CCDC85A: variants seen among roughly 807,000 people sequenced by gnomAD.
CCDC85A encodes the protein coiled-coil domain containing 85A, also known as coiled-coil domain-containing protein 85A.
Under a neutral mutation model 50.2 loss-of-function variants are expected in CCDC85A, and 38 were observed. The ratio of observed to expected loss-of-function variants is 0.76; its 90% CI spans 0.58 to 0.99. The LOEUF is 0.99. Among genes scored for constraint, CCDC85A ranks in the 50% least tolerant of loss-of-function variants. The probability of loss-of-function intolerance (pLI) is 0.00; values close to 1 mark genes in which losing one functional copy is unlikely to be tolerated. For synonymous variants in CCDC85A, 366 were observed against 301.4 expected (o/e 1.21, Z -2.22); for missense variants, 820 against 742.0 (o/e 1.11, Z -1.22).
chr2:56,261,601 A>G (rs983666825), intron 2 of CCDC85A, among the ~76,000 whole-genome samples: 3 of 152,174 alleles, frequency 2.0e-5, no homozygotes, highest in Admixed American at 6.5e-5. Context: ...ATGGTGTTGG[A>G]TGGTAACATA....
chr2:56,293,462 G>A (rs1264457261), intron 2 of CCDC85A, among the ~76,000 whole-genome samples: 1 of 152,122 alleles, frequency 6.6e-6, no homozygotes, highest in Non-Finnish European at 1.5e-5. Context: ...TGTAACAAAA[G>A]CAAAAATTGA....
chr2:56,374,411 A>C (rs766347783), intron 4 of CCDC85A, among the ~76,000 whole-genome samples: 16 of 152,218 alleles, frequency 1.1e-4, no homozygotes, highest in Non-Finnish European at 1.9e-4. Context: ...AATAACATTA[A>C]GTTAATAATA....
intron 2 of CCDC85A, among the ~76,000 whole-genome samples, chr2:56,331,295 G>A (rs1285134810): frequency 6.6e-6 from 1 of 152,120 alleles, no homozygotes; most frequent in Non-Finnish European, 1.5e-5. Flanking sequence ...ATGCATGCAA[G>A]GCTTAAATCC....
intron 2 of CCDC85A, among the ~76,000 whole-genome samples, chr2:56,302,817 G>T (rs1354927140): frequency 6.6e-6 from 1 of 152,106 alleles, no homozygotes; most frequent in Non-Finnish European, 1.5e-5. Context: ...CGTCTCTGTA[G>T]CCAGTCTAGT....
chr2:56,207,774 A>G (rs1449767986), intron 2 of CCDC85A, among the ~76,000 whole-genome samples: 1 of 152,166 alleles, frequency 6.6e-6, no homozygotes, highest in Non-Finnish European at 1.5e-5. Flanking sequence ...TCTTTAAAGG[A>G]AACCAAGCTT....
At chr2:56,196,172 G>A (rs1049481498) in intron 2 of CCDC85A, among the ~76,000 whole-genome samples, 2 of 152,070 alleles carry the variant, frequency 1.3e-5, no homozygotes, top group Non-Finnish European at 2.9e-5. Flanking sequence ...TTCTTAATTA[G>A]TAGGTGTTTA....
intron 2 of CCDC85A, among the ~76,000 whole-genome samples, chr2:56,308,869 C>G (rs527862979): frequency 9.2e-5 from 14 of 152,248 alleles, no homozygotes; most frequent in African/African-American, 3.4e-4. Flanking sequence ...AAATTCCAGG[C>G]TGTTGGATGA....
intron 3 of CCDC85A, among the ~76,000 whole-genome samples, chr2:56,343,538 G>A (rs537006625): frequency 4.6e-5 from 7 of 152,188 alleles, no homozygotes; most frequent in South Asian, 4.1e-4. Flanking sequence ...CTTCCCATAC[G>A]TTTCACTTAT....
chr2:56,213,464 T>A (rs1289753560), intron 2 of CCDC85A, among the ~76,000 whole-genome samples: 1 of 152,008 alleles, frequency 6.6e-6, no homozygotes, highest in Non-Finnish European at 1.5e-5. Context: ...GAGTTCAGAT[T>A]TGTGTGTAAC....
At position 56,210,409 on chromosome 2, in the gene CCDC85A, T is replaced by A. The variant is rs561278048; in HGVS notation, c.1240+16969T>A. On this transcript the variant is annotated intron_variant, in intron 2 of 5. Transcript: ENST00000407595. ...AGTGGCTGCCTCTTTAGTGGAGGTG[T>A]TCTGGTTTTCTATTGCCATGTGACA... is the stretch of plus-strand genomic sequence containing the variant. Among the ~76,000 whole-genome samples, 5 of 152,180 alleles carry A rather than the reference T, an allele frequency of 3.3e-5. No individual in the cohort carries two copies. The South Asian group carries it at 6.2e-4, about 19-fold the overall frequency.
chr2:56,189,352 C>G (rs564652148), intron 1 of CCDC85A, among the ~76,000 whole-genome samples: 4 of 138,786 alleles, frequency 2.9e-5, no homozygotes, highest in Non-Finnish European at 6.1e-5. Flanking sequence ...TGTAGTGTAT[C>G]GTGATCTTGG....
At chr2:56,319,422 G>C (rs1051838690) in intron 2 of CCDC85A, among the ~76,000 whole-genome samples, 1 of 151,974 alleles carries the variant, frequency 6.6e-6, no homozygotes, top group Non-Finnish European at 1.5e-5. Context: ...GAAGCATAAA[G>C]GGAATATTGG....
intron 3 of CCDC85A, among the ~76,000 whole-genome samples, chr2:56,350,006 A>G (rs541890799): frequency 1.3e-5 from 2 of 151,462 alleles, no homozygotes; most frequent in South Asian, 2.1e-4. Context: ...GAATATTTGG[A>G]AAAAAAATGG....
At chr2:56,210,099 T>G (rs533900315) in intron 2 of CCDC85A, among the ~76,000 whole-genome samples, 1 of 152,056 alleles carries the variant, frequency 6.6e-6, no homozygotes, top group East Asian at 1.9e-4. Flanking sequence ...TGGTGCAGAG[T>G]AGTAATGGCT....
intron 2 of CCDC85A, among the ~76,000 whole-genome samples, chr2:56,231,585 A>G (rs895020951): frequency 6.6e-6 from 1 of 152,168 alleles, no homozygotes; most frequent in Non-Finnish European, 1.5e-5. Context: ...CAGTTGGGTA[A>G]AAGAACTTAG....
intron 2 of CCDC85A, among the ~76,000 whole-genome samples, chr2:56,246,041 C>T (rs369604414): frequency 1.4e-4 from 21 of 152,220 alleles, no homozygotes; most frequent in African/African-American, 3.9e-4. Context: ...TCTCCTGCCT[C>T]AGCCTCCCAA....
At chr2:56,377,287 C>T (rs1053385294) in intron 5 of CCDC85A, among the ~76,000 whole-genome samples, 1 of 152,144 alleles carries the variant, frequency 6.6e-6, no homozygotes, top group Non-Finnish European at 1.5e-5. Flanking sequence ...ATATCTTGTT[C>T]TCTGTGGCAG....
intron 2 of CCDC85A, among the ~76,000 whole-genome samples, chr2:56,272,696 C>G (rs1053546626): frequency 6.6e-6 from 1 of 152,136 alleles, no homozygotes; most frequent in Non-Finnish European, 1.5e-5. Context: ...ATATTAGCAC[C>G]TTGAGAAAGA....
intron 2 of CCDC85A, among the ~76,000 whole-genome samples, chr2:56,245,670 T>C (rs1046698334): frequency 6.6e-5 from 10 of 152,344 alleles, no homozygotes; most frequent in African/African-American, 2.4e-4. Context: ...TGGGTTGTGC[T>C]GTGGTTTGAA....
Sources: gnomAD v4.1 joint callset for allele counts (sites outside exome capture counted in the v4.1 genomes callset) on GRCh38, gnomAD v4.1.1 for gene constraint, MANE v1.5 for transcripts, NCBI Gene and HGNC (gene_info 2026-07-23, HGNC 2026-07-21) for gene names.